BNC2: variants seen among roughly 807,000 people sequenced by gnomAD.
The protein encoded by BNC2 is basonuclin zinc finger protein 2.
In BNC2, 20 loss-of-function variants were observed where a neutral mutation model predicts 76.3. The ratio of observed to expected loss-of-function variants is 0.26; its 90% confidence interval spans 0.18 to 0.38. BNC2 has a LOEUF of 0.38. Ranked by LOEUF, BNC2 falls within the 10% of genes least tolerant of loss-of-function variation. The pLI is 1.00. For missense variants in BNC2, 1,382 were observed against 1,399.8 expected (o/e 0.99, Z 0.20); for synonymous variants, 582 against 514.8 (o/e 1.13, Z -1.77).
At chr9:16,665,474 GAAA>G (rs1822259562) in intron 3 of BNC2, among the ~76,000 whole-genome samples, 1 of 140,844 alleles carries the variant, frequency 7.1e-6, no homozygotes, top group Non-Finnish European at 1.5e-5. Flanking sequence ...AAGAAAGAAA[GAAA>G]GAAAGAAAGA....
At chr9:16,539,725 GA>G (rs1257275352) in intron 5 of BNC2, among the ~76,000 whole-genome samples, 1 of 137,966 alleles carries the variant, frequency 7.2e-6, no homozygotes, top group African/African-American at 2.9e-5. Flanking sequence ...GAAGGGGAAG[GA>G]AAAGAGGGAA....
intron 5 of BNC2, among the ~76,000 whole-genome samples, chr9:16,500,291 A>C (rs10962457): frequency 0.13 from 19,440 of 152,058 alleles, 1,507 homozygotes; most frequent in East Asian, 0.26. Context: ...CCTGTCCCCA[A>C]ACCCTGGGCA....
intron 6 of BNC2, among the ~76,000 whole-genome samples, chr9:16,427,884 A>G (rs1416227251): frequency 6.6e-6 from 1 of 152,224 alleles, no homozygotes; most frequent in Non-Finnish European, 1.5e-5. Context: ...TGAGAACAAG[A>G]AAGTCCTCGT....
chr9:16,596,820 A>T (rs1820098649), intron 3 of BNC2, among the ~76,000 whole-genome samples: 1 of 152,128 alleles, frequency 6.6e-6, no homozygotes, highest in South Asian at 2.1e-4. Context: ...TTGTAGATTA[A>T]TTTTTTAAAA....
intron 5 of BNC2, among the ~76,000 whole-genome samples, chr9:16,454,584 G>A (rs762816027): frequency 3.6e-4 from 55 of 152,288 alleles, no homozygotes; most frequent in Non-Finnish European, 3.4e-4. Context: ...GATTACAGGC[G>A]TGAGCCACAC....
At chr9:16,808,427 C>T (rs1289791460) in intron 1 of BNC2, among the ~76,000 whole-genome samples, 1 of 150,932 alleles carries the variant, frequency 6.6e-6, no homozygotes, top group Non-Finnish European at 1.5e-5. Context: ...TCACACCAAC[C>T]TGAGCCCCAG....
chr9:16,574,845 A>G (rs916962573), intron 4 of BNC2, among the ~76,000 whole-genome samples: 1 of 152,152 alleles, frequency 6.6e-6, no homozygotes, highest in South Asian at 2.1e-4. Context: ...ATGCATTGCT[A>G]TTATTATCCG....
At chr9:16,781,086 C>T (rs555957133) in intron 1 of BNC2, among the ~76,000 whole-genome samples, 31 of 151,858 alleles carry the variant, frequency 2.0e-4, no homozygotes, top group African/African-American at 6.8e-4. Context: ...AGTGGGCACT[C>T]TAAAAAAATG....
At chr9:16,812,339 T>C (rs1450511274) in intron 1 of BNC2, among the ~76,000 whole-genome samples, 1 of 152,228 alleles carries the variant, frequency 6.6e-6, no homozygotes, top group Non-Finnish European at 1.5e-5. Context: ...CCCATCTGCC[T>C]ATGTTAAAAC....
chr9:16,520,483 T>C (rs1025459171), intron 5 of BNC2, among the ~76,000 whole-genome samples: 1 of 152,218 alleles, frequency 6.6e-6, no homozygotes, highest in African/African-American at 2.4e-5. Flanking sequence ...TCTGCAATAT[T>C]GCAGGTAGTT....
At chr9:16,773,798 C>A (rs1416666270) in intron 1 of BNC2, among the ~76,000 whole-genome samples, 1 of 152,096 alleles carries the variant, frequency 6.6e-6, no homozygotes, top group African/African-American at 2.4e-5. Context: ...GCCAAATGAC[C>A]TCTACAAAAG....
chr9:16,485,099 G>GACACACAC (rs1822134607), intron 5 of BNC2, among the ~76,000 whole-genome samples: 1 of 143,194 alleles, frequency 7.0e-6, no homozygotes, highest in African/African-American at 2.9e-5. Flanking sequence ...CACACACACA[G>GACACACAC]AGACACACAC....
intron 1 of BNC2, among the ~76,000 whole-genome samples, chr9:16,751,567 T>TACA (rs71327852): frequency 0.86 from 126,833 of 147,346 alleles, 55,061 homozygotes; most frequent in Non-Finnish European, 0.92. Context: ...AAAAAGTTAT[T>TACA]ATTGTTCTAG....
intron 3 of BNC2, among the ~76,000 whole-genome samples, chr9:16,599,216 AC>A (rs1158916874): frequency 6.6e-6 from 1 of 152,216 alleles, no homozygotes; most frequent in African/African-American, 2.4e-5. Flanking sequence ...AAATAACTGA[AC>A]TGTGGAGCAA....
At chr9:16,861,362 AAAAT>A (rs892556913) in intron 1 of BNC2, among the ~76,000 whole-genome samples, 5 of 151,842 alleles carry the variant, frequency 3.3e-5, no homozygotes, top group Non-Finnish European at 7.4e-5. Context: ...TGTCTCTTTA[AAAAT>A]AAATAAATAA....
At chr9:16,430,529 A>G (rs1218821946) in intron 6 of BNC2, among the ~76,000 whole-genome samples, 1 of 152,216 alleles carries the variant, frequency 6.6e-6, no homozygotes, top group Non-Finnish European at 1.5e-5. Context: ...AATGATGGAA[A>G]AAATGGTTGT....
intron 3 of BNC2, among the ~76,000 whole-genome samples, chr9:16,616,931 GCCA>G (rs1236831628): frequency 1.6e-4 from 25 of 152,136 alleles, no homozygotes; most frequent in African/African-American, 5.8e-4. Flanking sequence ...TGTCCTAGTT[GCCA>G]CCACTTGTGC....
intron 3 of BNC2, among the ~76,000 whole-genome samples, chr9:16,646,848 C>T (rs562008924): frequency 6.6e-6 from 1 of 152,248 alleles, no homozygotes; most frequent in South Asian, 2.1e-4. Flanking sequence ...GATATTGTAA[C>T]AGCTGGGAAT....
At chr9:16,470,393 C>T (rs1012684405) in intron 5 of BNC2, among the ~76,000 whole-genome samples, 1 of 152,190 alleles carries the variant, frequency 6.6e-6, no homozygotes, top group African/African-American at 2.4e-5. Flanking sequence ...CTGGGGAGAA[C>T]TTCAAGCCAG....
Sources: allele counts gnomAD v4.1 joint callset (sites outside exome capture counted in the v4.1 genomes callset), GRCh38; gene constraint gnomAD v4.1.1; transcripts MANE v1.5; gene names NCBI Gene and HGNC (gene_info 2026-07-23, HGNC 2026-07-21).